KALRN: variants seen among roughly 807,000 people sequenced by gnomAD.
The protein encoded by KALRN is kalirin.
A neutral mutation model predicts 353.7 loss-of-function variants in KALRN; 70 were observed. That is an observed-to-expected ratio of 0.20 (90% CI 0.16 to 0.24). The LOEUF (loss-of-function observed/expected upper bound fraction) is 0.24. KALRN is among the 10% of genes least tolerant of loss of function. The pLI is 1.00. For synonymous variants in KALRN, 1,391 were observed against 1,434.8 expected, an observed-to-expected ratio of 0.97 and a Z score of 0.69; for missense variants, 2,791 against 3,756.7, an observed-to-expected ratio of 0.74 and a Z score of 6.72.
chr3:124,705,074 C>T (rs936521402), intron 57 of KALRN, among the ~76,000 whole-genome samples: 7 of 152,146 alleles, frequency 4.6e-5, no homozygotes, highest in Non-Finnish European at 8.8e-5. Context: ...TTGAGTATGG[C>T]GTGTTTAACC....
Position 124,334,561 on chromosome 3 carries a change from AC to A in KALRN, c.1647+68del, listed in dbSNP as rs2080928085. 8.6e-7 allele frequency: 1 copy of A among 1,161,036 alleles called. No homozygotes were observed. Among genetic ancestry groups the A allele is most frequent in the Admixed American group, 2.1e-5 (1 of 48,432 alleles). 71.9% of individuals were successfully genotyped at this position (1,161,036 alleles called of 1,614,324 possible). A position where few individuals can be genotyped will look rare whatever the true frequency, so the allele number is the denominator to read the frequency against. On this transcript the variant is annotated intron_variant, in intron 9 of 59. Coordinates refer to ENST00000682506, the MANE Select transcript of KALRN (RefSeq NM_001388419.1). This position sits in a 1 kb window ranked among gnomAD's most constrained non-coding sequence, Gnocchi z 4.2. ...GAGGCAGACCGAGCTCAAGTCCCTGACCTAGGTGATCAGGCTTAGGAGAGCC... is the reference window on the plus strand; with the variant it reads ...GAGGCAGACCGAGCTCAAGTCCCTGACTAGGTGATCAGGCTTAGGAGAGCC...
intron 32 of KALRN, among the ~76,000 whole-genome samples, chr3:124,494,065 G>A (rs2063459498): frequency 6.6e-6 from 1 of 152,212 alleles, no homozygotes; most frequent in South Asian, 2.1e-4. Flanking sequence ...GGATACTCAG[G>A]TGAGGCTGAC....
chr3:124,071,637 C>T (rs1433358726), intron 1 of KALRN, among the ~76,000 whole-genome samples: 4 of 152,204 alleles, frequency 2.6e-5, no homozygotes, highest in Non-Finnish European at 5.9e-5. Context: ...TCTCTGCTTC[C>T]AAGATGGCAC....
intron 37 of KALRN, among the ~76,000 whole-genome samples, chr3:124,644,390 A>G (rs954179551): frequency 1.3e-5 from 2 of 151,914 alleles, no homozygotes; most frequent in Non-Finnish European, 2.9e-5. Flanking sequence ...GGTTTATTAC[A>G]TAGGTATACA....
At position 124,398,886 on chromosome 3, in the gene KALRN, G is replaced by A. The variant is rs762996260; in HGVS notation, c.2346+15G>A. On this transcript the variant is annotated intron_variant, in intron 13 of 59. Coordinates refer to ENST00000682506, the MANE Select transcript of KALRN (RefSeq NM_001388419.1). ...ACACCATCGAGGTAGCAGGGGGCCAGGAGGGGAGGTGGAGAGGGGCCAAGA... is the reference window on the plus strand; with the variant it reads ...ACACCATCGAGGTAGCAGGGGGCCAAGAGGGGAGGTGGAGAGGGGCCAAGA... 6.3e-7 allele frequency: 1 copy of A among 1,590,156 alleles called. No individual in the cohort carries two copies. The highest frequency in any genetic ancestry group is 1.7e-5 in the Admixed American group (1 of 58,566).
intron 5 of KALRN, among the ~76,000 whole-genome samples, chr3:124,277,418 C>T (rs1191964829): frequency 6.6e-6 from 1 of 152,150 alleles, no homozygotes; most frequent in African/African-American, 2.4e-5. Context: ...CTGTATCCCG[C>T]CCCCTGACAC....
At chr3:124,472,738 G>T (rs987129817) in intron 25 of KALRN, among the ~76,000 whole-genome samples, 3 of 151,902 alleles carry the variant, frequency 2.0e-5, no homozygotes, top group East Asian at 1.9e-4. Context: ...TTTAAAATTT[G>T]CACTTTAATG....
At chr3:124,548,095 C>A (rs2069945435) in intron 33 of KALRN, among the ~76,000 whole-genome samples, 1 of 152,154 alleles carries the variant, frequency 6.6e-6, no homozygotes, top group Non-Finnish European at 1.5e-5. Context: ...ATCACCAAGT[C>A]CTTGTTCACT....
At chr3:124,688,396 G>C (rs535168987) in intron 51 of KALRN, among the ~76,000 whole-genome samples, 10 of 150,670 alleles carry the variant, frequency 6.6e-5, no homozygotes, top group Admixed American at 2.0e-4. Context: ...TTGAAAACAC[G>C]AAGGGTTAAA....
intron 15 of KALRN, among the ~76,000 whole-genome samples, chr3:124,428,807 A>G (rs548693330): frequency 6.6e-6 from 1 of 152,332 alleles, no homozygotes; most frequent in African/African-American, 2.4e-5. Flanking sequence ...CACCATAGCT[A>G]TAACTCATGC....
chr3:124,044,841 C>G (rs1424274570), intron 1 of KALRN, among the ~76,000 whole-genome samples: 5 of 45,828 alleles, frequency 1.1e-4, no homozygotes, highest in Non-Finnish European at 1.2e-4. Flanking sequence ...TTCCCTCCCT[C>G]CCTCCCTCCC....
chr3:124,625,197 A>T (rs181704409), intron 34 of KALRN, among the ~76,000 whole-genome samples: 28 of 152,330 alleles, frequency 1.8e-4, no homozygotes, highest in African/African-American at 5.8e-4. Context: ...GGAAACCAAG[A>T]TACAGAGATA....
In KALRN at chr3:124,725,684, C is replaced by T. The variant is rs1460128486; in HGVS notation, c.*6214C>T. ...TTTGACATCCACAAAGCCAAACTAA[C>T]AAAGTGTGAAACATAAAGGGGCCAT... On this transcript the variant is annotated 3_prime_UTR_variant, in exon 60 of 60. Coordinates refer to ENST00000682506, the MANE Select transcript of KALRN (RefSeq NM_001388419.1). 1.3e-5 allele frequency: 2 copies of T among 152,184 alleles called. No individual in the cohort carries two copies. 9.4% of individuals were successfully genotyped at this position (152,184 alleles called of 1,614,324 possible).
chr3:124,580,952 A>ATAATAG (rs202217594), intron 34 of KALRN, among the ~76,000 whole-genome samples: 1 of 151,064 alleles, frequency 6.6e-6, no homozygotes. Flanking sequence ...TATTAAAATA[A>ATAATAG]TAATAATAAT....
At chr3:124,337,006 A>G (rs1465107594) in intron 9 of KALRN, among the ~76,000 whole-genome samples, 1 of 152,132 alleles carries the variant, frequency 6.6e-6, no homozygotes, top group African/African-American at 2.4e-5. Context: ...AATTGCATTG[A>G]TTTTGTATCT....
intron 33 of KALRN, among the ~76,000 whole-genome samples, chr3:124,558,792 G>A (rs907592794): frequency 6.6e-6 from 1 of 152,230 alleles, no homozygotes; most frequent in Non-Finnish European, 1.5e-5. Context: ...TGCCCTAAAC[G>A]AGGCTATGCT....
chr3:124,698,677 G>T (rs1048236416), intron 55 of KALRN, among the ~76,000 whole-genome samples: 1 of 152,196 alleles, frequency 6.6e-6, no homozygotes, highest in Non-Finnish European at 1.5e-5. Context: ...TGGATAATTT[G>T]TGATCTTTCT....
intron 10 of KALRN, among the ~76,000 whole-genome samples, chr3:124,382,500 G>A (rs1381808141): frequency 6.6e-6 from 1 of 152,118 alleles, no homozygotes; most frequent in African/African-American, 2.4e-5. Flanking sequence ...CAGGACCGAG[G>A]GGATTTCTGG....
chr3:124,301,306 G>A (rs2149233436), intron 6 of KALRN, among the ~76,000 whole-genome samples: 1 of 152,224 alleles, frequency 6.6e-6, no homozygotes, highest in East Asian at 1.9e-4. Flanking sequence ...CCATTTTTTA[G>A]GACAAAAATA....
Sources: allele counts gnomAD v4.1 joint callset (sites outside exome capture counted in the v4.1 genomes callset), GRCh38; gene constraint gnomAD v4.1.1; non-coding constraint Gnocchi (gnomAD v3.1); transcripts MANE v1.5; gene names NCBI Gene and HGNC (gene_info 2026-07-23, HGNC 2026-07-21).